The following LYPD6B variants were observed in gnomAD, a reference collection of about 807,000 sequenced individuals.
The protein encoded by LYPD6B is ly6/PLAUR domain-containing protein 6B.
LYPD6B carries 17 observed loss-of-function variants against 22.8 expected under a neutral mutation model. That is an observed-to-expected ratio of 0.75 (90% CI 0.51 to 1.12). The LOEUF is 1.12. Ranked by LOEUF, LYPD6B falls within the 50% of genes most tolerant of loss-of-function variation. The pLI is 0.00. For missense variants in LYPD6B, 221 were observed against 258.3 expected, an observed-to-expected ratio of 0.86 and a Z score of 0.99; for synonymous variants, 106 against 91.6, an observed-to-expected ratio of 1.16 and a Z score of -0.90.
At chr2:149,059,926 AGGAGT>A (rs1399920210) in intron 1 of LYPD6B, among the ~76,000 whole-genome samples, 2 of 151,610 alleles carry the variant, frequency 1.3e-5, no homozygotes, top group Non-Finnish European at 2.9e-5. Context: ...TGGTTCAGGC[AGGAGT>A]GGCTGGTGCA....
chr2:149,168,416 A>G (rs1450814982), intron 3 of LYPD6B, among the ~76,000 whole-genome samples: 6 of 152,088 alleles, frequency 3.9e-5, no homozygotes, highest in Admixed American at 2.0e-4. Flanking sequence ...GTTATCAACA[A>G]TCCAACCAAA....
intron 3 of LYPD6B, among the ~76,000 whole-genome samples, chr2:149,195,736 A>G (rs934853872): frequency 3.2e-4 from 49 of 152,380 alleles, no homozygotes; most frequent in African/African-American, 1.2e-3. Context: ...TAGAGGAACA[A>G]TAAATCTCTG....
At chr2:149,098,045 T>C (rs1156851650) in intron 1 of LYPD6B, among the ~76,000 whole-genome samples, 1 of 152,182 alleles carries the variant, frequency 6.6e-6, no homozygotes, top group East Asian at 1.9e-4. Context: ...AAATAAAAAT[T>C]GTGAATAATT....
At chr2:149,177,089 TGTG>T (rs1691369492) in intron 3 of LYPD6B, among the ~76,000 whole-genome samples, 1 of 152,318 alleles carries the variant, frequency 6.6e-6, no homozygotes, top group African/African-American at 2.4e-5. Flanking sequence ...CAGTTATTAT[TGTG>T]GTGAACTGAG....
At chr2:149,086,867 C>T (rs1369962555) in intron 1 of LYPD6B, among the ~76,000 whole-genome samples, 1 of 152,168 alleles carries the variant, frequency 6.6e-6, no homozygotes, top group Non-Finnish European at 1.5e-5. Context: ...ATCAACTTCT[C>T]TCTGAAACCA....
intron 2 of LYPD6B, among the ~76,000 whole-genome samples, chr2:149,133,807 T>C (rs1559021392): frequency 1.3e-5 from 2 of 152,152 alleles, no homozygotes; most frequent in African/African-American, 2.4e-5. Flanking sequence ...GTGTGTGAGC[T>C]AAAAGAGTGA....
At chr2:149,137,255 A>C (rs7606896) in intron 2 of LYPD6B, among the ~76,000 whole-genome samples, 36,652 of 152,154 alleles carry the variant, frequency 0.24, 5,717 homozygotes, top group East Asian at 0.54. Flanking sequence ...TATCAAAGCC[A>C]TGATTGAATC....
intron 1 of LYPD6B, among the ~76,000 whole-genome samples, chr2:149,076,540 T>C (rs1164646650): frequency 1.3e-5 from 2 of 152,160 alleles, no homozygotes; most frequent in African/African-American, 2.4e-5. Context: ...GAGTTATTTG[T>C]CTAACAAGAA....
At chr2:149,055,215 TA>T (rs747802023) in intron 1 of LYPD6B, among the ~76,000 whole-genome samples, 73 of 152,232 alleles carry the variant, frequency 4.8e-4, no homozygotes, top group Non-Finnish European at 9.8e-4. Context: ...TACATGGCTT[TA>T]TTTCTAGATT....
At chr2:149,109,103 A>G (rs1280735701) in intron 1 of LYPD6B, among the ~76,000 whole-genome samples, 2 of 152,214 alleles carry the variant, frequency 1.3e-5, no homozygotes, top group East Asian at 3.8e-4. Flanking sequence ...AAAAAATATT[A>G]CGCATTTATC....
intron 1 of LYPD6B, among the ~76,000 whole-genome samples, chr2:149,103,244 G>A (rs773438735): frequency 1.6e-4 from 24 of 152,168 alleles, no homozygotes; most frequent in Admixed American, 8.5e-4. Context: ...GTATCTAGTG[G>A]CAACGTTAAC....
chr2:149,169,085 A>C (rs762900745), intron 3 of LYPD6B, among the ~76,000 whole-genome samples: 44 of 152,298 alleles, frequency 2.9e-4, no homozygotes, highest in African/African-American at 1.1e-3. Flanking sequence ...GTAATGCACT[A>C]TGGAAATGGT....
chr2:149,082,137 A>G (rs967239816), intron 1 of LYPD6B, among the ~76,000 whole-genome samples: 1 of 152,062 alleles, frequency 6.6e-6, no homozygotes, highest in African/African-American at 2.4e-5. Flanking sequence ...TTCTCTCCCC[A>G]TGGGATATTT....
At chr2:149,077,804 A>G (rs1168787204) in intron 1 of LYPD6B, among the ~76,000 whole-genome samples, 1 of 152,216 alleles carries the variant, frequency 6.6e-6, no homozygotes, top group South Asian at 2.1e-4. Flanking sequence ...CAAATTTACT[A>G]ATGTAAAAAC....
At chr2:149,154,219 C>T (rs1689554333) in intron 2 of LYPD6B, among the ~76,000 whole-genome samples, 1 of 148,488 alleles carries the variant, frequency 6.7e-6, no homozygotes, top group African/African-American at 2.5e-5. Context: ...AATGTGGACT[C>T]TAGGTCCAAT....
At chr2:149,140,899 T>C (rs1309951865) in intron 2 of LYPD6B, among the ~76,000 whole-genome samples, 1 of 152,206 alleles carries the variant, frequency 6.6e-6, no homozygotes, top group East Asian at 1.9e-4. Context: ...ATAAACACTT[T>C]AGAAGGGATT....
At chr2:149,100,930 T>C (rs1417790595) in intron 1 of LYPD6B, among the ~76,000 whole-genome samples, 1 of 152,232 alleles carries the variant, frequency 6.6e-6, no homozygotes, top group Non-Finnish European at 1.5e-5. Context: ...CAGCTGTCTG[T>C]GGCATTTTTA....
At position 149,214,770 on chromosome 2, in the gene LYPD6B, G is replaced by A; in HGVS notation, c.*60G>A. Reference sequence around the variant, plus strand: ...CTAAAGCACAAGCCAAAAACTGTGTGAACGGTGAACTTTGGAGTGAAGATC... The same window carrying A: ...CTAAAGCACAAGCCAAAAACTGTGTAAACGGTGAACTTTGGAGTGAAGATC... On this transcript the variant is annotated 3_prime_UTR_variant, in exon 7 of 7. Coordinates refer to ENST00000409642, the MANE Select transcript of LYPD6B (RefSeq NM_177964.5). 1 of 1,550,342 alleles carries A rather than the reference G, an allele frequency of 6.5e-7. No homozygotes were observed. The highest frequency in any genetic ancestry group is 8.9e-7 in the Non-Finnish European group (1 of 1,124,108).
At chr2:149,053,086 G>A (rs184304668) in intron 1 of LYPD6B, among the ~76,000 whole-genome samples, 5 of 152,076 alleles carry the variant, frequency 3.3e-5, no homozygotes, top group African/African-American at 9.6e-5. Context: ...TTAAATATTC[G>A]CATGTGTCTA....
Sources: allele counts gnomAD v4.1 joint callset (sites outside exome capture counted in the v4.1 genomes callset), GRCh38; gene constraint gnomAD v4.1.1; transcripts MANE v1.5; gene names NCBI Gene and HGNC (gene_info 2026-07-23, HGNC 2026-07-21).